Variants in MGA observed in about 807,000 individuals in gnomAD.
MGA encodes the protein MAX gene-associated protein.
MGA carries 40 observed loss-of-function variants against 261.1 expected under a neutral mutation model. The observed-to-expected ratio is 0.15, with a 90% CI of 0.12 to 0.20. The LOEUF is 0.20. Ranked by LOEUF, MGA falls within the 10% of genes least tolerant of loss-of-function variation. The pLI, the probability that MGA is intolerant of heterozygous loss-of-function variation, is 1.00. For missense variants in MGA, 3,397 were observed against 3,630.5 expected (o/e 0.94, Z 1.65); for synonymous variants, 1,302 against 1,290.6 (o/e 1.01, Z -0.19).
intron 17 of MGA, among the ~76,000 whole-genome samples, chr15:41,752,935 G>T (rs2062932112): frequency 6.6e-6 from 1 of 152,072 alleles, no homozygotes; most frequent in African/African-American, 2.4e-5. Flanking sequence ...AAGTTATACT[G>T]ACTTTTTTTT....
upstream of MGA, among the ~76,000 whole-genome samples, chr15:41,656,645 G>C (rs941175954): frequency 4.0e-5 from 6 of 151,678 alleles, no homozygotes; most frequent in African/African-American, 1.5e-4. Flanking sequence ...ACAGGCATGA[G>C]CCAGTGGGTG....
At chr15:41,622,079 C>T (rs1250259615) in intron 1 of MGA, among the ~76,000 whole-genome samples, 2 of 152,092 alleles carry the variant, frequency 1.3e-5, no homozygotes, top group Non-Finnish European at 1.5e-5. Flanking sequence ...CCTTCGACTG[C>T]GCCGGCCTGT....
chr15:41,679,112 T>C, intron 2 of MGA, among the ~76,000 whole-genome samples: 1 of 150,790 alleles, frequency 6.6e-6, no homozygotes, highest in East Asian at 2.0e-4. Context: ...CTCGGCTCGC[T>C]GCAACCTCCG....
chr15:41,704,394 T>G (rs2060003438), intron 5 of MGA, among the ~76,000 whole-genome samples: 1 of 151,996 alleles, frequency 6.6e-6, no homozygotes, highest in Non-Finnish European at 1.5e-5. Flanking sequence ...GCGCGGTGGC[T>G]CACGCCTGTA....
chr15:41,726,685 C>A (rs186489460), intron 9 of MGA, among the ~76,000 whole-genome samples: 2 of 151,208 alleles, frequency 1.3e-5, no homozygotes, highest in Non-Finnish European at 2.9e-5. Flanking sequence ...GCCAAGATTG[C>A]GCCATTGCAC....
chr15:41,700,645 T>A (rs2059801665), intron 5 of MGA, among the ~76,000 whole-genome samples: 1 of 152,178 alleles, frequency 6.6e-6, no homozygotes. Context: ...TTGACCTTGA[T>A]TATGTTGCTT....
chr15:41,761,130 G>A (rs539396631), intron 20 of MGA, among the ~76,000 whole-genome samples: 17 of 152,156 alleles, frequency 1.1e-4, no homozygotes, highest in Non-Finnish European at 2.4e-4. Flanking sequence ...AGAAACTCTG[G>A]TTAGCCATGT....
chr15:41,712,114 A>G lies in MGA; in HGVS notation c.3084+765A>G, dbSNP rs571555887. Reference sequence around the variant, plus strand: ...AATAATTTTTCACTTATTTATTTTTATTTTTATATTTTAGAAGTTTTATGG... The same window carrying G: ...AATAATTTTTCACTTATTTATTTTTGTTTTTATATTTTAGAAGTTTTATGG... On this transcript the variant is annotated intron_variant, in intron 8 of 23. Coordinates refer to ENST00000219905, the MANE Select transcript of MGA (RefSeq NM_001164273.2). Among the ~76,000 whole-genome samples the G allele has an allele frequency of 1.3e-3, 203 of 152,174 alleles. 1 individual carries two copies. Among genetic ancestry groups the G allele is most frequent in the South Asian group, 5.6e-3 (27 of 4,830 alleles).
At chr15:41,718,233 A>G (rs2060742025) in intron 9 of MGA, 1 of 198,748 alleles carries the variant, frequency 5.0e-6, no homozygotes. Flanking sequence ...CTCAAGATAT[A>G]TATCTATCTC....
chr15:41,766,134 G>T lies in MGA; in HGVS notation c.8052G>T (p.Leu2684=). The stretch of plus-strand genomic sequence containing the variant: ...CTGATAGCAAGCCATCTGACCATCT[G>T]AAAGACACCGTCAGGAATGAAGATA... Residue 2684 remains leucine (L), a synonymous_variant, in exon 24 of 24, where the codon CTG becomes CTT. Transcript: ENST00000219905. 6.2e-7 allele frequency: 1 copy of T among 1,614,028 alleles called. No individual in the cohort carries two copies. The highest frequency in any genetic ancestry group is 8.5e-7 in the Non-Finnish European group (1 of 1,179,890).
rs773220073 is a variant in MGA, at chr15:41,696,545, T to C, written c.1535T>C (p.Ile512Thr). ...GAATTGGAATATTTGCCTACATACA[T>C]TGAAAATTCCAATGAGACTGCCTTC... Residue 512 changes from isoleucine to threonine, a missense_variant, in exon 3 of 24, where the codon ATT becomes ACT. Ile to Thr is a moderately conservative substitution (Grantham distance 89). Around this residue, in one of 9 missense-constraint regions of MGA, gnomAD observed 563 missense variants for 563.6 expected, o/e 1.00. Transcript: ENST00000219905. 2.5e-6 allele frequency: 4 copies of C among 1,613,860 alleles called. No individual in the cohort carries two copies. The highest frequency in any genetic ancestry group is 2.2e-5 in the East Asian group (1 of 44,902).
intron 1 of MGA, among the ~76,000 whole-genome samples, chr15:41,645,477 G>A (rs7169830): frequency 0.033 from 4,984 of 152,268 alleles, 138 homozygotes; most frequent in South Asian, 0.07. Context: ...CCAGTTACTC[G>A]GGAGACTGAG....
chr15:41,695,429 C>G (rs1245847931), intron 2 of MGA, among the ~76,000 whole-genome samples: 1 of 152,088 alleles, frequency 6.6e-6, no homozygotes, highest in Non-Finnish European at 1.5e-5. Flanking sequence ...CCTTGTGATC[C>G]GCCTGCCTCA....
chr15:41,691,884 G>A (rs181341428), intron 2 of MGA, among the ~76,000 whole-genome samples: 1 of 151,578 alleles, frequency 6.6e-6, no homozygotes, highest in Admixed American at 6.6e-5. Flanking sequence ...GCCTGACCTT[G>A]ATGTGCCTAG....
At chr15:41,634,238 T>C (rs1022577247) in intron 1 of MGA, among the ~76,000 whole-genome samples, 2 of 152,246 alleles carry the variant, frequency 1.3e-5, no homozygotes, top group Non-Finnish European at 2.9e-5. Flanking sequence ...ATTTTTGTCC[T>C]GTTTGCTGCT....
chr15:41,741,418 G>T (rs1281364086), intron 14 of MGA, among the ~76,000 whole-genome samples: 1 of 151,302 alleles, frequency 6.6e-6, no homozygotes, highest in East Asian at 1.9e-4. Context: ...ATTAAGGGGA[G>T]TAAAAAAAGC....
At chr15:41,673,954 C>T (rs1015703506) in intron 2 of MGA, among the ~76,000 whole-genome samples, 12 of 152,062 alleles carry the variant, frequency 7.9e-5, no homozygotes, top group African/African-American at 1.9e-4. Context: ...CGCAGTGGCG[C>T]GATCTCGACT....
chr15:41,749,153 C>G lies in MGA; in HGVS notation c.5546C>G (p.Ser1849Cys). Residue 1849 changes from serine (S) to cysteine (C), a missense_variant, in exon 17 of 24, where the codon TCT becomes TGT. Coordinates refer to ENST00000219905, the MANE Select transcript of MGA (RefSeq NM_001164273.2). ...CGGTTACCTGCTCCTTCCAAACCCTCTGAGACTCCGCCATCTTCCACTTCG... is the reference window on the plus strand; with the variant it reads ...CGGTTACCTGCTCCTTCCAAACCCTGTGAGACTCCGCCATCTTCCACTTCG... 6.2e-7 allele frequency: 1 copy of G among 1,614,026 alleles called. No homozygotes were observed. The highest frequency in any genetic ancestry group is 8.5e-7 in the Non-Finnish European group (1 of 1,179,892).
chr15:41,694,960 C>T (rs1416819698), intron 2 of MGA, among the ~76,000 whole-genome samples: 2 of 151,966 alleles, frequency 1.3e-5, no homozygotes, highest in Non-Finnish European at 2.9e-5. Flanking sequence ...CAGTCATAGG[C>T]TTTGAACTAT....
Sources: allele counts gnomAD v4.1 joint callset (sites outside exome capture counted in the v4.1 genomes callset), GRCh38; gene constraint gnomAD v4.1.1; regional missense constraint gnomAD v4.1.1; transcripts MANE v1.5; gene names NCBI Gene and HGNC (gene_info 2026-07-23, HGNC 2026-07-21).